Variants in ZNF429 observed in about 807,000 individuals in gnomAD.
The protein encoded by ZNF429 is zinc finger protein 429.
A neutral mutation model predicts 56.8 loss-of-function variants in ZNF429; 53 were observed. That is an observed-to-expected ratio of 0.93 (90% CI 0.75 to 1.17). The LOEUF is 1.17. Among genes scored for constraint, ZNF429 ranks in the 50% most tolerant of loss-of-function variants. The probability of loss-of-function intolerance (pLI) is 0.00; values close to 1 mark genes in which losing one functional copy is unlikely to be tolerated. For synonymous variants in ZNF429, 278 were observed against 264.7 expected, an observed-to-expected ratio of 1.05 and a Z score of -0.49; for missense variants, 849 against 788.4, an observed-to-expected ratio of 1.08 and a Z score of -0.92.
chr19:21,524,451 C>A (rs1372485623), intron 1 of ZNF429, among the ~76,000 whole-genome samples: 1 of 151,990 alleles, frequency 6.6e-6, no homozygotes, highest in Admixed American at 6.6e-5. Flanking sequence ...TCGCTTGAAC[C>A]TAGGAGGCGG....
chr19:21,531,682 G>A, intron 3 of ZNF429, among the ~76,000 whole-genome samples: 1 of 151,974 alleles, frequency 6.6e-6, no homozygotes, highest in Non-Finnish European at 1.5e-5. Context: ...GCAGGCACCT[G>A]TAATCCTAGC....
chr19:21,531,130 C>CAAAAA, intron 3 of ZNF429, among the ~76,000 whole-genome samples: 1 of 113,160 alleles, frequency 8.8e-6, no homozygotes, highest in African/African-American at 3.1e-5. Flanking sequence ...AAAAAAAAAA[C>CAAAAA]CAAAAAAAAA....
At chr19:21,511,397 CAG>C (rs2032462887) in intron 1 of ZNF429, among the ~76,000 whole-genome samples, 3 of 151,472 alleles carry the variant, frequency 2.0e-5, no homozygotes, top group African/African-American at 4.9e-5. Context: ...ACCTCCCAGA[CAG>C]GGTCACGGCC....
chr19:21,527,950 G>A (rs1285428663), intron 1 of ZNF429, among the ~76,000 whole-genome samples: 2 of 152,088 alleles, frequency 1.3e-5, no homozygotes, highest in Non-Finnish European at 2.9e-5. Context: ...GTACTTGCAA[G>A]CCTTTACTTC....
At chr19:21,511,256 G>C (rs1218042801) in intron 1 of ZNF429, among the ~76,000 whole-genome samples, 2 of 151,974 alleles carry the variant, frequency 1.3e-5, no homozygotes, top group African/African-American at 2.4e-5. Context: ...CCGGTGGGGG[G>C]CTGACCCCCA....
intron 1 of ZNF429, among the ~76,000 whole-genome samples, chr19:21,508,243 GAA>G (rs112400992): frequency 3.1e-5 from 4 of 127,520 alleles, no homozygotes; most frequent in African/African-American, 8.4e-5. Context: ...AACTCCATCT[GAA>G]AAAAAAAAAA....
chr19:21,520,682 A>G (rs1347291214), intron 1 of ZNF429, among the ~76,000 whole-genome samples: 1 of 152,228 alleles, frequency 6.6e-6, no homozygotes, highest in Admixed American at 6.5e-5. Context: ...AGACTAGAAA[A>G]TACTAAGTTC....
intron 1 of ZNF429, among the ~76,000 whole-genome samples, chr19:21,515,240 C>CTTTTTTTTTT (rs35926199): frequency 2.3e-5 from 3 of 128,132 alleles, no homozygotes; most frequent in Non-Finnish European, 3.3e-5. Context: ...TGTGCCTGGC[C>CTTTTTTTTTT]TTTTTTTTTT....
chr19:21,522,833 T>C (rs1288481659), intron 1 of ZNF429, among the ~76,000 whole-genome samples: 1 of 151,718 alleles, frequency 6.6e-6, no homozygotes, highest in Non-Finnish European at 1.5e-5. Flanking sequence ...GAGGCAGAGG[T>C]TGCATTGAGC....
intron 1 of ZNF429, among the ~76,000 whole-genome samples, chr19:21,521,024 T>G (rs985818126): frequency 5.9e-5 from 9 of 152,252 alleles, no homozygotes; most frequent in Non-Finnish European, 1.5e-5. Flanking sequence ...AGACAATTTT[T>G]AAAAGTTCTA....
At chr19:21,510,504 T>G (rs957162411) in intron 1 of ZNF429, among the ~76,000 whole-genome samples, 10 of 152,172 alleles carry the variant, frequency 6.6e-5, no homozygotes, top group South Asian at 2.1e-4. Flanking sequence ...AATAGAGGAA[T>G]AAAACAATGG....
chr19:21,516,173 A>G (rs994825974), intron 1 of ZNF429, among the ~76,000 whole-genome samples: 3 of 152,004 alleles, frequency 2.0e-5, no homozygotes, highest in Non-Finnish European at 4.4e-5. Context: ...GGTTCAAGCA[A>G]TTCTCCTGCC....
At chr19:21,510,467 G>A (rs757072108) in intron 1 of ZNF429, among the ~76,000 whole-genome samples, 1 of 152,196 alleles carries the variant, frequency 6.6e-6, no homozygotes, top group African/African-American at 2.4e-5. Flanking sequence ...AGTTCATAGA[G>A]TAAAGTGGAA....
intron 3 of ZNF429, among the ~76,000 whole-genome samples, chr19:21,531,120 A>AAAC: frequency 1.1e-5 from 1 of 90,284 alleles, no homozygotes; most frequent in African/African-American, 4.4e-5. Flanking sequence ...AAAAAAAAAA[A>AAAC]AAAAAAAAAC....
At chr19:21,510,435 A>C (rs2145415440) in intron 1 of ZNF429, among the ~76,000 whole-genome samples, 1 of 152,288 alleles carries the variant, frequency 6.6e-6, no homozygotes, top group Admixed American at 6.5e-5. Context: ...CTTTGATCAC[A>C]CGCAAGAAAG....
At chr19:21,523,579 G>C (rs918554128) in intron 1 of ZNF429, among the ~76,000 whole-genome samples, 1 of 152,232 alleles carries the variant, frequency 6.6e-6, no homozygotes, top group African/African-American at 2.4e-5. Flanking sequence ...CACTCAATCA[G>C]TAATCAATGT....
intron 1 of ZNF429, among the ~76,000 whole-genome samples, chr19:21,522,519 C>A (rs1050632951): frequency 1.3e-5 from 2 of 152,150 alleles, no homozygotes; most frequent in Non-Finnish European, 2.9e-5. Flanking sequence ...TCTAGAATTA[C>A]CATACATGAT....
At chr19:21,508,417 A>G (rs1275241191) in intron 1 of ZNF429, among the ~76,000 whole-genome samples, 1 of 152,190 alleles carries the variant, frequency 6.6e-6, no homozygotes, top group Non-Finnish European at 1.5e-5. Flanking sequence ...GATGGGTAGG[A>G]GAATCTCTCA....
intron 1 of ZNF429, chr19:21,521,314 A>G (rs768464628): frequency 1.3e-5 from 2 of 152,226 alleles, no homozygotes; most frequent in East Asian, 3.8e-4. Flanking sequence ...ACATTCCACT[A>G]TATAAACAAA....
Sources: allele counts gnomAD v4.1 joint callset (sites outside exome capture counted in the v4.1 genomes callset), GRCh38; gene constraint gnomAD v4.1.1; transcripts MANE v1.5; gene names NCBI Gene and HGNC (gene_info 2026-07-23, HGNC 2026-07-21).